HIBADH: variants seen among roughly 807,000 people sequenced by gnomAD.
HIBADH encodes the protein 3-hydroxyisobutyrate dehydrogenase.
HIBADH carries 25 observed loss-of-function variants against 36.1 expected under a neutral mutation model. The ratio of observed to expected loss-of-function variants is 0.69; its 90% CI spans 0.50 to 0.97. HIBADH has a LOEUF of 0.97. Ranked by LOEUF, HIBADH falls within the 50% of genes least tolerant of loss-of-function variation. The probability of loss-of-function intolerance (pLI) is 0.00; values close to 1 mark genes in which losing one functional copy is unlikely to be tolerated. For missense variants in HIBADH, 421 were observed against 418.0 expected, an observed-to-expected ratio of 1.01 and a Z score of -0.06; for synonymous variants, 160 against 149.5, an observed-to-expected ratio of 1.07 and a Z score of -0.51.
At chr7:27,586,448 A>G (rs984409080) in intron 4 of HIBADH, among the ~76,000 whole-genome samples, 3 of 152,166 alleles carry the variant, frequency 2.0e-5, no homozygotes, top group African/African-American at 4.8e-5. Flanking sequence ...TGAATAAAAT[A>G]TATCATGAAA....
intron 4 of HIBADH, among the ~76,000 whole-genome samples, chr7:27,564,461 T>C (rs1189378231): frequency 1.3e-5 from 2 of 152,182 alleles, no homozygotes; most frequent in Non-Finnish European, 2.9e-5. Flanking sequence ...CTTTGCACAT[T>C]TGTCAAAAAA....
intron 1 of HIBADH, among the ~76,000 whole-genome samples, chr7:27,654,879 G>T (rs115503817): frequency 0.011 from 1,652 of 152,004 alleles, 22 homozygotes; most frequent in African/African-American, 0.033. Flanking sequence ...TAGAGATGAG[G>T]TTTCATCATG....
intron 4 of HIBADH, among the ~76,000 whole-genome samples, chr7:27,619,634 A>G (rs574788723): frequency 1.2e-4 from 18 of 151,982 alleles, no homozygotes; most frequent in African/African-American, 4.4e-4. Flanking sequence ...AGCAACAAGT[A>G]GAAACTCTGG....
At position 27,553,258 on chromosome 7, in the gene HIBADH, A is replaced by C. The variant is rs570537229; in HGVS notation, c.485-10158T>G. 3.3e-5 allele frequency among the ~76,000 whole-genome samples: 5 copies of C among 152,326 alleles called. No individual in the cohort carries two copies. In the East Asian group the frequency reaches 7.7e-4, roughly 23 times the overall value. ...TGAAACAGCTGAAACCACAATACAC[A>C]GCAGCAGAAAACATTAGTTTTCTGC... On this transcript the variant is annotated intron_variant, in intron 4 of 7. Coordinates refer to ENST00000265395, the MANE Select transcript of HIBADH (RefSeq NM_152740.4).
In HIBADH at chr7:27,532,386, T is replaced by A. The variant is rs148209600; in HGVS notation, c.696-1038A>T. 3.2e-3 allele frequency among the ~76,000 whole-genome samples: 495 copies of A among 152,326 alleles called. 6 individuals carry two copies. Among genetic ancestry groups the A allele is most frequent in the African/African-American group, 0.011 (464 of 41,566 alleles). On this transcript the variant is annotated intron_variant, in intron 6 of 7. Transcript: ENST00000265395. ...AAAAAACACTGAAAAGAGACACTTA[T>A]GTAAATGTTAAACAAACTGTGCATC...
At chr7:27,634,269 T>C (rs1785798279) in intron 2 of HIBADH, among the ~76,000 whole-genome samples, 1 of 152,160 alleles carries the variant, frequency 6.6e-6, no homozygotes, top group Non-Finnish European at 1.5e-5. Context: ...TAATCTACAA[T>C]GAGATACATT....
In HIBADH at chr7:27,629,480, C is replaced by T. The variant is rs758104248; in HGVS notation, c.375G>A (p.Lys125=). Residue 125 remains lysine, a synonymous_variant, in exon 4 of 8, where the codon AAG becomes AAA. Coordinates refer to ENST00000265395, the MANE Select transcript of HIBADH (RefSeq NM_152740.4). ...GANGILKKVK[K]GSLLIDSSTI... ...TGCTGGAATCTATTAATAATGAGCC[C>T]TTCTTCACTTTTCTAAGTAAATAAA... 5 of 1,580,068 alleles carry T rather than the reference C, an allele frequency of 3.2e-6. No homozygotes were observed. In the South Asian group the frequency reaches 4.8e-5, roughly 15 times the overall value.
At chr7:27,628,347 T>A (rs955949385) in intron 4 of HIBADH, among the ~76,000 whole-genome samples, 1 of 152,118 alleles carries the variant, frequency 6.6e-6, no homozygotes, top group Non-Finnish European at 1.5e-5. Context: ...AATTATTATA[T>A]GTTACTTTTT....
At chr7:27,629,075 T>G (rs1228704563) in intron 4 of HIBADH, among the ~76,000 whole-genome samples, 1 of 152,068 alleles carries the variant, frequency 6.6e-6, no homozygotes, top group Non-Finnish European at 1.5e-5. Context: ...TGATTTTTTT[T>G]TCAATAGTTC....
At chr7:27,539,804 CAT>C (rs34329289) in intron 5 of HIBADH, among the ~76,000 whole-genome samples, 20,371 of 152,066 alleles carry the variant, frequency 0.13, 1,615 homozygotes, top group Middle Eastern at 0.18. Flanking sequence ...TTGATTAACA[CAT>C]ATTTTGTATA....
At chr7:27,643,532 G>A (rs1053328454) in intron 2 of HIBADH, among the ~76,000 whole-genome samples, 1 of 152,224 alleles carries the variant, frequency 6.6e-6, no homozygotes, top group African/African-American at 2.4e-5. Flanking sequence ...GTGGAAACAA[G>A]CGTATAGAGA....
At chr7:27,650,330 A>T (rs1786160365) in intron 1 of HIBADH, among the ~76,000 whole-genome samples, 1 of 151,592 alleles carries the variant, frequency 6.6e-6, no homozygotes, top group South Asian at 2.1e-4. Context: ...TGGAATCACC[A>T]GTTTATAAAG....
In HIBADH at chr7:27,596,602, C is replaced by T. The variant is rs139773716; in HGVS notation, c.484+32769G>A. 8.9e-4 allele frequency among the ~76,000 whole-genome samples: 136 copies of T among 152,240 alleles called. 3 individuals are homozygous for T. In the East Asian group the frequency reaches 0.022, roughly 24 times the overall value. On this transcript the variant is annotated intron_variant, in intron 4 of 7. Transcript: ENST00000265395. ...TCTCTGCAAGAATATTCAGAGTAGC[C>T]TCTGTAATAGCAGAAGTCTGCCTAC... is the stretch of plus-strand genomic sequence containing the variant.
At chr7:27,658,974 G>A (rs530948344) in intron 1 of HIBADH, among the ~76,000 whole-genome samples, 9 of 152,200 alleles carry the variant, frequency 5.9e-5, no homozygotes, top group Admixed American at 2.0e-4. Context: ...TTTAGGCCCC[G>A]GACCATGAGC....
chr7:27,641,825 A>C (rs1340057971), intron 2 of HIBADH, among the ~76,000 whole-genome samples: 1 of 151,034 alleles, frequency 6.6e-6, no homozygotes, highest in Non-Finnish European at 1.5e-5. Flanking sequence ...TTCACCCTTT[A>C]CCTTTCTCAC....
At chr7:27,592,913 A>C (rs1397264637) in intron 4 of HIBADH, among the ~76,000 whole-genome samples, 1 of 152,014 alleles carries the variant, frequency 6.6e-6, no homozygotes, top group Admixed American at 6.6e-5. Context: ...CTCATCCAAC[A>C]CCATACTTCC....
intron 4 of HIBADH, among the ~76,000 whole-genome samples, chr7:27,625,189 C>A (rs778382038): frequency 6.6e-6 from 1 of 152,074 alleles, no homozygotes; most frequent in East Asian, 1.9e-4. Flanking sequence ...AACCGCAAAC[C>A]CTGACATAAG....
In HIBADH at chr7:27,649,498, T is replaced by C; in HGVS notation, c.227A>G (p.Lys76Arg). Residue 76 changes from lysine (K) to arginine (R), a missense_variant, in exon 2 of 8, where the codon AAA becomes AGA. Lys to Arg is a conservative substitution (Grantham distance 26). Transcript: ENST00000265395. ...IIYDVFPDAC[K>R]EFQDAGEQVV... The stretch of plus-strand genomic sequence containing the variant: ...CTGTTCACCTGCATCTTGAAACTCT[T>C]TGCAGGCATCAGGGAACACATCATA... The C allele has an allele frequency of 6.2e-7, 1 of 1,612,994 alleles. No individual in the cohort carries two copies. The highest frequency in any genetic ancestry group is 8.5e-7 in the Non-Finnish European group (1 of 1,179,568).
At chr7:27,586,947 T>C (rs1340686047) in intron 4 of HIBADH, among the ~76,000 whole-genome samples, 1 of 152,240 alleles carries the variant, frequency 6.6e-6, no homozygotes, top group East Asian at 1.9e-4. Flanking sequence ...AGGGTCCAGC[T>C]GCCAGTCTGG....
Sources: gnomAD v4.1 joint callset for allele counts (sites outside exome capture counted in the v4.1 genomes callset) on GRCh38, gnomAD v4.1.1 for gene constraint, MANE v1.5 for transcripts, NCBI Gene and HGNC (gene_info 2026-07-23, HGNC 2026-07-21) for gene names.